COL6A6: variants seen among roughly 807,000 people sequenced by gnomAD.
The protein encoded by COL6A6 is collagen type VI alpha 6 chain.
COL6A6 carries 183 observed loss-of-function variants against 208.6 expected under a neutral mutation model. The observed-to-expected ratio is 0.88, with a 90% CI of 0.78 to 0.99. The LOEUF (loss-of-function observed/expected upper bound fraction) is 0.99. Ranked by LOEUF, COL6A6 falls within the 50% of genes least tolerant of loss-of-function variation. The pLI is 0.00. For missense variants in COL6A6, 2,816 were observed against 2,815.2 expected (o/e 1.00, Z -0.01); for synonymous variants, 973 against 1,011.8 (o/e 0.96, Z 0.73).
At chr3:130,673,367 T>G (rs2066278841) in intron 36 of COL6A6, among the ~76,000 whole-genome samples, 1 of 151,936 alleles carries the variant, frequency 6.6e-6, no homozygotes, top group South Asian at 2.1e-4. Context: ...ATATAAGCAC[T>G]TACTAATTTA....
chr3:130,607,077 A>G (rs1275155000), intron 21 of COL6A6, 111 bp downstream of exon 21: 2 of 796,772 alleles, frequency 2.5e-6, no homozygotes, highest in East Asian at 2.8e-5. Flanking sequence ...GATATTGGTT[A>G]TGGAATAGAA....
At chr3:130,637,988 A>T (rs920201538) in intron 28 of COL6A6, among the ~76,000 whole-genome samples, 5 of 152,072 alleles carry the variant, frequency 3.3e-5, no homozygotes, top group Non-Finnish European at 7.4e-5. Context: ...TCCAGCATCA[A>T]CTACCCTCTG....
intron 1 of COL6A6, among the ~76,000 whole-genome samples, chr3:130,528,813 G>A (rs764819769): frequency 1.3e-5 from 2 of 152,168 alleles, no homozygotes; most frequent in Non-Finnish European, 2.9e-5. Context: ...CAGGTAAGCC[G>A]GGAGCAGTGG....
chr3:130,570,246 C>T (rs1281512514), intron 6 of COL6A6, among the ~76,000 whole-genome samples: 1 of 152,054 alleles, frequency 6.6e-6, no homozygotes, highest in African/African-American at 2.4e-5. Flanking sequence ...GGGCTTATTT[C>T]TATGATGAAA....
At chr3:130,610,239 A>G (rs1160499111) in intron 22 of COL6A6, among the ~76,000 whole-genome samples, 2 of 152,192 alleles carry the variant, frequency 1.3e-5, no homozygotes, top group Non-Finnish European at 2.9e-5. Flanking sequence ...ATCTTACCAC[A>G]TACCATATCT....
Position 130,518,562 on chromosome 3 carries a change from C to A in COL6A6, c.-32+1165C>A, listed in dbSNP as rs1011562774. Among the ~76,000 whole-genome samples the A allele has an allele frequency of 9.9e-5, 15 of 152,166 alleles. 1 individual carries two copies. Among genetic ancestry groups the A allele is most frequent in the Non-Finnish European group, 1.5e-5 (1 of 68,040 alleles). ...CTCTCTTGTTGCCGGGGCTGGAGTG[C>A]AATGCGCCATCTCAGCTCATCGCAA... is the stretch of plus-strand genomic sequence containing the variant. On this transcript the variant is annotated intron_variant, in intron 1 of 36. Coordinates refer to ENST00000358511, the MANE Select transcript of COL6A6 (RefSeq NM_001102608.3).
chr3:130,582,182 A>C, intron 10 of COL6A6, 114 bp downstream of exon 10: 1 of 666,566 alleles, frequency 1.5e-6, no homozygotes, highest in African/African-American at 1.8e-5. Context: ...TGATTTTGAC[A>C]ATCTCCGTAT....
At chr3:130,671,250 A>G (rs2066207808) in intron 36 of COL6A6, among the ~76,000 whole-genome samples, 1 of 152,212 alleles carries the variant, frequency 6.6e-6, no homozygotes, top group Non-Finnish European at 1.5e-5. Context: ...GCAAGGACAC[A>G]TGTGGGAGCC....
At chr3:130,611,937 CT>C (rs1421646563) in intron 23 of COL6A6, among the ~76,000 whole-genome samples, 1 of 152,094 alleles carries the variant, frequency 6.6e-6, no homozygotes. Context: ...CTTTCCCATC[CT>C]TTACTTTCAA....
chr3:130,625,019 A>C (rs931166133), intron 24 of COL6A6, among the ~76,000 whole-genome samples: 4 of 152,226 alleles, frequency 2.6e-5, no homozygotes, highest in Non-Finnish European at 4.4e-5. Context: ...AGATGTTCTT[A>C]AATTTTAGTG....
In COL6A6 at chr3:130,661,905, C is replaced by T; in HGVS notation, c.6099C>T (p.Phe2033=). ...AGAAGAGTCCAGTTAGAGCTGAGTTCAATCTTACCACCTACAGAAGTAAGC... is the reference window on the plus strand; with the variant it reads ...AGAAGAGTCCAGTTAGAGCTGAGTTTAATCTTACCACCTACAGAAGTAAGC... ...NTQKSPVRAE[F]NLTTYRSKRL... is the part of the protein sequence containing the mutation. The change falls in exon 35 of 37, where the codon TTC becomes TTT. Residue 2033 remains phenylalanine (F), a synonymous_variant. Coordinates refer to ENST00000358511, the MANE Select transcript of COL6A6 (RefSeq NM_001102608.3). 1 of 1,613,966 alleles carries T rather than the reference C, an allele frequency of 6.2e-7. No individual in the cohort carries two copies. Among genetic ancestry groups the T allele is most frequent in the Non-Finnish European group, 8.5e-7 (1 of 1,179,880 alleles).
intron 7 of COL6A6, among the ~76,000 whole-genome samples, chr3:130,571,842 A>ATTTTTT (rs67080729): frequency 1.4e-4 from 16 of 110,846 alleles, no homozygotes; most frequent in African/African-American, 5.0e-4. Context: ...GGCATGGCTA[A>ATTTTTT]TTTTTTTTTT....
intron 23 of COL6A6, among the ~76,000 whole-genome samples, chr3:130,618,120 T>C (rs1268278933): frequency 6.6e-6 from 1 of 152,056 alleles, no homozygotes; most frequent in African/African-American, 2.4e-5. Context: ...TTTTTAGAAC[T>C]CCAATCTGGG....
At chr3:130,634,202 TAA>T (rs1177021616) in intron 26 of COL6A6, among the ~76,000 whole-genome samples, 1 of 36,400 alleles carries the variant, frequency 2.7e-5, no homozygotes, top group African/African-American at 3.8e-4. Context: ...TATAAAATGT[TAA>T]AAAAAAAAAT....
At chr3:130,523,042 A>C (rs1486389148) in intron 1 of COL6A6, among the ~76,000 whole-genome samples, 1 of 151,884 alleles carries the variant, frequency 6.6e-6, no homozygotes, top group African/African-American at 2.4e-5. Flanking sequence ...ATCCTGGTTG[A>C]AAATCCTCCC....
At chr3:130,562,763 T>C (rs1247792377) in intron 2 of COL6A6, among the ~76,000 whole-genome samples, 1 of 152,204 alleles carries the variant, frequency 6.6e-6, no homozygotes, top group Non-Finnish European at 1.5e-5. Flanking sequence ...TATTTCTCTG[T>C]TTATTTCTGT....
At position 130,571,304 on chromosome 3, in the gene COL6A6, G is replaced by A; in HGVS notation, c.2888G>A (p.Ser963Asn). 1 of 1,613,976 alleles carries A rather than the reference G, an allele frequency of 6.2e-7. No individual in the cohort carries two copies. Among genetic ancestry groups the A allele is most frequent in the Non-Finnish European group, 8.5e-7 (1 of 1,179,892 alleles). The change falls in exon 7 of 37, where the codon AGC becomes AAC. Residue 963 changes from serine to asparagine, a missense_variant. By Grantham distance (46) the Ser-to-Asn change is conservative. Coordinates refer to ENST00000358511, the MANE Select transcript of COL6A6 (RefSeq NM_001102608.3). ...PVELLAMAGS[S>N]DKYFFVETFG... ...GAGCTGTTAGCCATGGCAGGATCAA[G>A]CGACAAGTACTTCTTCGTGGAGACT...
chr3:130,581,748 T>C lies in COL6A6; in HGVS notation c.3735T>C (p.Asn1245=). Reference sequence around the variant, plus strand: ...TCAGTGTGGCTTTTCAAGTGACCAATGCCATGGAAAAATATTCTCCCAAGT... The same window carrying C: ...TCAGTGTGGCTTTTCAAGTGACCAACGCCATGGAAAAATATTCTCCCAAGT... ...TQVSVAFQVT[N]AMEKYSPKFE... Residue 1245 remains asparagine, a synonymous_variant, in exon 9 of 37, where the codon AAT becomes AAC. Coordinates refer to ENST00000358511, the MANE Select transcript of COL6A6 (RefSeq NM_001102608.3). 6.2e-7 allele frequency: 1 copy of C among 1,613,926 alleles called. No individual in the cohort carries two copies. The highest frequency in any genetic ancestry group is 2.2e-5 in the East Asian group (1 of 44,872).
At chr3:130,526,013 A>G (rs996374816) in intron 1 of COL6A6, among the ~76,000 whole-genome samples, 1 of 152,178 alleles carries the variant, frequency 6.6e-6, no homozygotes, top group African/African-American at 2.4e-5. Flanking sequence ...TTTAATGTAC[A>G]AACCCTATTC....
Sources: gnomAD v4.1 joint callset for allele counts (sites outside exome capture counted in the v4.1 genomes callset) on GRCh38, gnomAD v4.1.1 for gene constraint, MANE v1.5 for transcripts, NCBI Gene and HGNC (gene_info 2026-07-23, HGNC 2026-07-21) for gene names.